Variants in COL5A2 observed in about 807,000 individuals in gnomAD.
COL5A2 encodes the protein collagen alpha-2(V) chain.
Under a neutral mutation model 208.2 loss-of-function variants are expected in COL5A2, and 23 were observed. That is an observed-to-expected ratio of 0.11 (90% CI 0.08 to 0.16). The LOEUF (loss-of-function observed/expected upper bound fraction) is 0.16. COL5A2 is among the 10% of genes least tolerant of loss of function. COL5A2 has a pLI of 1.00. For synonymous variants in COL5A2, 625 were observed against 628.5 expected (o/e 0.99, Z 0.08); for missense variants, 1,590 against 1,956.4 (o/e 0.81, Z 3.53).
At chr2:189,434,003 C>T in the COL5A2 span, among the ~76,000 whole-genome samples, 25,572 of 152,188 alleles carry the variant, frequency 0.17, 2,273 homozygotes, top group South Asian at 0.21. Flanking sequence ...TTGGCTTCAT[C>T]CCTGGGATGC....
At chr2:189,236,549 C>A in the COL5A2 span, among the ~76,000 whole-genome samples, 1 of 151,692 alleles carries the variant, frequency 6.6e-6, no homozygotes, top group Non-Finnish European at 1.5e-5. Context: ...TCATTTTAGC[C>A]AGTCTGGTGG....
At chr2:189,222,593 C>T (rs573332270) in intron 1 of COL5A2, among the ~76,000 whole-genome samples, 6 of 152,218 alleles carry the variant, frequency 3.9e-5, no homozygotes, top group South Asian at 2.1e-4. Context: ...AATGCCAGAA[C>T]AGAAATGACC....
the COL5A2 span, among the ~76,000 whole-genome samples, chr2:189,400,107 G>C: frequency 2.0e-3 from 310 of 152,126 alleles, no homozygotes; most frequent in Admixed American, 3.7e-3. Flanking sequence ...TTGTTGATTG[G>C]TTTGGTTTTT....
At chr2:189,359,049 T>G in the COL5A2 span, among the ~76,000 whole-genome samples, 1 of 152,198 alleles carries the variant, frequency 6.6e-6, no homozygotes, top group Admixed American at 6.5e-5. Flanking sequence ...TTTCCCAATT[T>G]GAATACCATT....
intron 1 of COL5A2, among the ~76,000 whole-genome samples, chr2:189,207,025 C>T (rs1270298814): frequency 6.6e-6 from 1 of 152,108 alleles, no homozygotes; most frequent in Admixed American, 6.6e-5. Flanking sequence ...CTTTTGTAAA[C>T]ATAACCTTGG....
intron 10 of COL5A2, 105 bp from the exon 11 acceptor site, chr2:189,085,318 G>T: frequency 1.0e-6 from 1 of 986,302 alleles, no homozygotes; most frequent in Non-Finnish European, 1.6e-6. Flanking sequence ...AACTATTATT[G>T]AAACAAATGA....
intron 6 of COL5A2, chr2:189,095,013 G>A (rs1009257543): frequency 3.6e-4 from 55 of 151,984 alleles, no homozygotes; most frequent in African/African-American, 1.3e-3. Flanking sequence ...GCATCTAGTG[G>A]GTAGATACCA....
the COL5A2 span, among the ~76,000 whole-genome samples, chr2:189,337,597 C>G: frequency 6.6e-6 from 1 of 152,102 alleles, no homozygotes; most frequent in Non-Finnish European, 1.5e-5. Context: ...TAAATATACT[C>G]ATGGAGGAAG....
chr2:189,428,612 C>T, the COL5A2 span, among the ~76,000 whole-genome samples: 16 of 151,700 alleles, frequency 1.1e-4, no homozygotes, highest in East Asian at 1.2e-3. Context: ...AGTGAGACTC[C>T]GTCTGAAAAA....
chr2:189,323,390 T>G, the COL5A2 span, among the ~76,000 whole-genome samples: 1 of 152,204 alleles, frequency 6.6e-6, no homozygotes, highest in African/African-American at 2.4e-5. Context: ...TGTCACTGTT[T>G]GCAGATGACA....
chr2:189,236,877 AATTT>A, the COL5A2 span, among the ~76,000 whole-genome samples: 2 of 151,920 alleles, frequency 1.3e-5, no homozygotes, highest in African/African-American at 4.8e-5. Context: ...AATGTAGTTT[AATTT>A]ATCAATGTTT....
At chr2:189,380,716 G>A in the COL5A2 span, among the ~76,000 whole-genome samples, 1 of 151,664 alleles carries the variant, frequency 6.6e-6, no homozygotes, top group East Asian at 1.9e-4. Flanking sequence ...TCATATACAG[G>A]GGCAAAAAAA....
At chr2:189,405,156 TAG>T in the COL5A2 span, among the ~76,000 whole-genome samples, 1 of 152,186 alleles carries the variant, frequency 6.6e-6, no homozygotes, top group Non-Finnish European at 1.5e-5. Flanking sequence ...GGAAAAATAT[TAG>T]GATTAATTGA....
chr2:189,416,617 C>T, the COL5A2 span, among the ~76,000 whole-genome samples: 20 of 152,122 alleles, frequency 1.3e-4, no homozygotes, highest in East Asian at 5.8e-4. Context: ...TGCTAAATGA[C>T]GAGTTAATGG....
chr2:189,311,833 C>T, the COL5A2 span: 2 of 1,277,818 alleles, frequency 1.6e-6, no homozygotes, highest in Non-Finnish European at 2.3e-6. Context: ...GGGCATCTAC[C>T]TCCACGGTCA....
chr2:189,061,484 T>C (rs1352744005), intron 30 of COL5A2, 78 bp downstream of exon 30: 1 of 1,069,184 alleles, frequency 9.4e-7, no homozygotes, highest in Non-Finnish European at 1.4e-6. Flanking sequence ...TCAAATCTTC[T>C]GACCATATCT....
Position 189,068,796 on chromosome 2 carries a change from G to T in COL5A2, c.1247C>A (p.Pro416Gln). Reference sequence around the variant, plus strand: ...ATGCTAGAAACTTACAGGAAGACCTGGAGAGCCAACTGGACCTGGGGGCCC... The same window carrying T: ...ATGCTAGAAACTTACAGGAAGACCTTGAGAGCCAACTGGACCTGGGGGCCC... ...ETGPPGPVGS[P>Q]GLPGAIGTDG... Residue 416 changes from proline (P) to glutamine (Q), a missense_variant, in exon 19 of 54, where the codon CCA (proline) becomes CAA (glutamine). Transcript: ENST00000374866. The T allele has an allele frequency of 6.2e-7, 1 of 1,612,248 alleles. No homozygotes were observed. Among genetic ancestry groups the T allele is most frequent in the Non-Finnish European group, 8.5e-7 (1 of 1,178,710 alleles).
rs1253814623 is a variant in COL5A2 at position 189,043,169 on chromosome 2, C to T, written c.3453G>A (p.Gln1151=). Reference sequence around the variant, plus strand: ...AACTTACAGGAGGGCCAGGAAGACCCTGAAGACCAGTAAAGCCTCTGTGGC... The same window carrying T: ...AACTTACAGGAGGGCCAGGAAGACCTTGAAGACCAGTAAAGCCTCTGTGGC... ...QKGHRGFTGL[Q]GLPGPPGPNG... Residue 1151 remains glutamine (Q), a synonymous_variant, in exon 48 of 54, where the codon CAG becomes CAA. Transcript: ENST00000374866. The T allele has an allele frequency of 6.2e-7, 1 of 1,613,416 alleles. No individual in the cohort carries two copies. Among genetic ancestry groups the T allele is most frequent in the Admixed American group, 1.7e-5 (1 of 59,974 alleles).
intron 3 of COL5A2, among the ~76,000 whole-genome samples, chr2:189,103,948 T>C (rs780279691): frequency 6.6e-6 from 1 of 151,996 alleles, no homozygotes; most frequent in Non-Finnish European, 1.5e-5. Flanking sequence ...ACTTCTAATA[T>C]GTGCAAAGTA....
Sources: allele counts gnomAD v4.1 joint callset (sites outside exome capture counted in the v4.1 genomes callset), GRCh38; gene constraint gnomAD v4.1.1; transcripts MANE v1.5; gene names NCBI Gene and HGNC (gene_info 2026-07-23, HGNC 2026-07-21).